PLEKHM3: variants seen among roughly 807,000 people sequenced by gnomAD.
PLEKHM3 encodes pleckstrin homology domain-containing family M member 3.
Under a neutral mutation model 81.8 loss-of-function variants are expected in PLEKHM3, and 45 were observed. That is an observed-to-expected ratio of 0.55 (90% CI 0.43 to 0.71). PLEKHM3 has a LOEUF of 0.71. PLEKHM3 is among the 30% of genes least tolerant of loss of function. The pLI, the probability that PLEKHM3 is intolerant of heterozygous loss-of-function variation, is 0.00. For missense variants in PLEKHM3, 788 were observed against 924.3 expected, an observed-to-expected ratio of 0.85 and a Z score of 1.91; for synonymous variants, 352 against 356.4, an observed-to-expected ratio of 0.99 and a Z score of 0.14.
At position 207,865,794 on chromosome 2, in the gene PLEKHM3, AAAAAAAAAGAT is replaced by A. The variant is rs1390509052; in HGVS notation, c.1951-4543_1951-4533del. ...AAAACTCCGACTCAAAAAAAAAAAA[AAAAAAAAAGAT>A]ATATATATATATATATATATATATA... is the stretch of plus-strand genomic sequence containing the variant. On this transcript the variant is annotated intron_variant, in intron 6 of 7. Coordinates refer to ENST00000427836, the MANE Select transcript of PLEKHM3 (RefSeq NM_001080475.3). Among the ~76,000 whole-genome samples the A allele has an allele frequency of 1.6e-3, 70 of 43,810 alleles. 3 individuals are homozygous for A. Among genetic ancestry groups the A allele is most frequent in the African/African-American group, 8.3e-3 (67 of 8,084 alleles). The allele number at this position is 43,810 out of a possible 152,430, so 28.7% of individuals were successfully genotyped here.
chr2:207,946,235 G>C (rs1036115341), intron 4 of PLEKHM3, 132 bp downstream of exon 4: 7 of 972,214 alleles, frequency 7.2e-6, no homozygotes, highest in Non-Finnish European at 1.0e-5. Flanking sequence ...CATTAGGTAA[G>C]GTCTTGCAGC....
intron 7 of PLEKHM3, among the ~76,000 whole-genome samples, chr2:207,836,318 T>TAAAAAAAAAAAAAA (rs34489704): frequency 7.6e-6 from 1 of 131,856 alleles, no homozygotes; most frequent in Non-Finnish European, 1.6e-5. Flanking sequence ...AGAGAGAGTC[T>TAAAAAAAAAAAAAA]AAAAAAAAAA....
chr2:207,883,096 T>C lies in PLEKHM3; in HGVS notation c.1951-21834A>G, dbSNP rs1262475066. On this transcript the variant is annotated intron_variant, in intron 6 of 7. Transcript: ENST00000427836. ...ATGCTCCACACCTGTGACGTTACCA[T>C]TGGTTGACAAGGCTTTGGTACCATG... Among the ~76,000 whole-genome samples, 14 of 152,190 alleles carry C rather than the reference T, an allele frequency of 9.2e-5. 1 individual carries two copies. The highest frequency in any genetic ancestry group is 7.9e-4 in the Admixed American group (12 of 15,278).
chr2:207,976,991 C>A lies in PLEKHM3; in HGVS notation c.1206G>T (p.Leu402=). ...GACACACGTCCACGTTGTAGCTCAACAGTGGATCCTCGTCTAGCTTGCCAG... is the reference window on the plus strand; with the variant it reads ...GACACACGTCCACGTTGTAGCTCAAAAGTGGATCCTCGTCTAGCTTGCCAG... The part of the protein sequence containing the change: ...FQPGKLDEDP[L]LSYNVDVCLA... The change falls in exon 3 of 8, where the codon CTG becomes CTT. Residue 402 remains leucine, a synonymous_variant. Transcript: ENST00000427836. This position sits in a 1 kb window ranked among gnomAD's most constrained non-coding sequence, Gnocchi z 4.1. 1 of 1,614,238 alleles carries A rather than the reference C, an allele frequency of 6.2e-7. No individual in the cohort carries two copies. The highest frequency in any genetic ancestry group is 1.3e-5 in the African/African-American group (1 of 75,074).
Position 207,855,266 on chromosome 2 carries a change from T to C in PLEKHM3, c.2108+5839A>G, listed in dbSNP as rs567214425. Among the ~76,000 whole-genome samples the C allele has an allele frequency of 2.0e-5, 3 of 151,512 alleles. No homozygotes were observed. The South Asian group carries it at 6.3e-4, about 32-fold the overall frequency. On this transcript the variant is annotated intron_variant, in intron 7 of 7. Transcript: ENST00000427836. ...CCCCCAGCAAAAATCCCATAATGGG[T>C]GGGGTATGTCAAGGGAACAAAGGAG... is the stretch of plus-strand genomic sequence containing the variant.
At chr2:207,898,543 C>T (rs1435297420) in intron 6 of PLEKHM3, among the ~76,000 whole-genome samples, 1 of 152,170 alleles carries the variant, frequency 6.6e-6, no homozygotes, top group East Asian at 1.9e-4. Context: ...CACTTGACCC[C>T]AGGAGTTCGA....
At chr2:207,916,782 A>G (rs1278859587) in intron 5 of PLEKHM3, among the ~76,000 whole-genome samples, 1 of 152,158 alleles carries the variant, frequency 6.6e-6, no homozygotes, top group Non-Finnish European at 1.5e-5. Context: ...ATTTTAGAGA[A>G]TTTATATATT....
intron 3 of PLEKHM3, among the ~76,000 whole-genome samples, chr2:207,972,201 G>A (rs1048336381): frequency 1.3e-5 from 2 of 152,192 alleles, no homozygotes; most frequent in African/African-American, 4.8e-5. Flanking sequence ...AAACAACTAA[G>A]TTTTCAAATT....
intron 6 of PLEKHM3, among the ~76,000 whole-genome samples, chr2:207,875,069 A>G (rs915823129): frequency 6.6e-6 from 1 of 152,020 alleles, no homozygotes; most frequent in Non-Finnish European, 1.5e-5. Flanking sequence ...AAAAAGTAAT[A>G]AATCTAAATA....
At chr2:208,011,074 A>C (rs1053644302) in intron 1 of PLEKHM3, among the ~76,000 whole-genome samples, 4 of 151,854 alleles carry the variant, frequency 2.6e-5, no homozygotes, top group East Asian at 1.9e-4. Context: ...CAAAAAAAAA[A>C]AAAAAAAAAC....
intron 4 of PLEKHM3, among the ~76,000 whole-genome samples, chr2:207,931,743 C>T (rs1440542389): frequency 1.3e-5 from 2 of 152,242 alleles, no homozygotes; most frequent in Admixed American, 6.5e-5. Flanking sequence ...GAGGCTGAGG[C>T]GGGCAGATCA....
chr2:207,858,634 C>T (rs1048522933), intron 7 of PLEKHM3, among the ~76,000 whole-genome samples: 1 of 151,992 alleles, frequency 6.6e-6, no homozygotes, highest in African/African-American at 2.4e-5. Flanking sequence ...GAATTTGCCA[C>T]CACGTCCAGC....
chr2:208,024,146 A>C (rs556851311), intron 1 of PLEKHM3, among the ~76,000 whole-genome samples: 29 of 138,836 alleles, frequency 2.1e-4, no homozygotes, highest in Middle Eastern at 3.5e-3. Flanking sequence ...CTGTCTCAAA[A>C]TAAAATAAAA....
At chr2:207,898,669 G>A (rs1488504561) in intron 6 of PLEKHM3, among the ~76,000 whole-genome samples, 1 of 152,142 alleles carries the variant, frequency 6.6e-6, no homozygotes, top group Admixed American at 6.6e-5. Context: ...GAGGTGGGAG[G>A]ATTGCTTGAG....
chr2:207,842,178 C>T (rs1351521345), intron 7 of PLEKHM3, among the ~76,000 whole-genome samples: 4 of 152,222 alleles, frequency 2.6e-5, no homozygotes, highest in Non-Finnish European at 5.9e-5. Flanking sequence ...TCGTGATCCG[C>T]CTGCCTCTGC....
At chr2:207,840,607 G>T (rs2092344760) in intron 7 of PLEKHM3, among the ~76,000 whole-genome samples, 2 of 151,940 alleles carry the variant, frequency 1.3e-5, no homozygotes, top group Admixed American at 1.3e-4. Flanking sequence ...TGTAGTTTTT[G>T]GCCATTTGCA....
intron 5 of PLEKHM3, among the ~76,000 whole-genome samples, chr2:207,923,903 A>ATTTTTTTTT (rs1235482345): frequency 8.4e-5 from 5 of 59,828 alleles, no homozygotes; most frequent in Non-Finnish European, 1.2e-4. Context: ...ATATATATAT[A>ATTTTTTTTT]TATTTTTTTT....
chr2:207,931,214 C>G, intron 4 of PLEKHM3, 95 bp from the exon 5 acceptor site: 1 of 1,178,304 alleles, frequency 8.5e-7, no homozygotes, highest in Non-Finnish European at 1.2e-6. Context: ...CAAAGGAACA[C>G]GATTATTTTC....
intron 6 of PLEKHM3, among the ~76,000 whole-genome samples, chr2:207,871,197 T>A (rs781166481): frequency 7.9e-5 from 12 of 152,204 alleles, no homozygotes; most frequent in Non-Finnish European, 1.2e-4. Context: ...ATAATTAACC[T>A]TTGAGCTCCT....
Sources: allele counts gnomAD v4.1 joint callset (sites outside exome capture counted in the v4.1 genomes callset), GRCh38; gene constraint gnomAD v4.1.1; non-coding constraint Gnocchi (gnomAD v3.1); transcripts MANE v1.5; gene names NCBI Gene and HGNC (gene_info 2026-07-23, HGNC 2026-07-21).